RUFY1: variants seen among roughly 807,000 people sequenced by gnomAD.
RUFY1 encodes RUN and FYVE domain-containing protein 1.
RUFY1 carries 54 observed loss-of-function variants against 94.6 expected under a neutral mutation model. That is an observed-to-expected ratio of 0.57 (90% CI 0.46 to 0.72). The LOEUF is 0.72. RUFY1 is among the 30% of genes least tolerant of loss of function. RUFY1 has a pLI of 0.00. For missense variants in RUFY1, 883 were observed against 883.9 expected, an observed-to-expected ratio of 1.00 and a Z score of 0.01; for synonymous variants, 396 against 347.3, an observed-to-expected ratio of 1.14 and a Z score of -1.56.
intron 17 of RUFY1, chr5:179,608,340 G>C: frequency 3.0e-6 from 3 of 985,762 alleles, no homozygotes; most frequent in Non-Finnish European, 3.6e-6. Flanking sequence ...CCCAACCCGA[G>C]TTTCAGGCAG....
At chr5:179,567,052 C>CA (rs1156488284) in intron 3 of RUFY1, among the ~76,000 whole-genome samples, 4 of 149,816 alleles carry the variant, frequency 2.7e-5, no homozygotes, top group Admixed American at 1.3e-4. Context: ...GACTCTATCT[C>CA]AAAAAAAAAT....
rs367832710 is a variant in RUFY1, at chr5:179,567,480, C to T, written c.622C>T (p.Arg208Ter). Residue 208 changes from arginine to a stop codon, truncating the protein, a stop_gained, in exon 4 of 18, where the codon CGA becomes TGA. Transcript: ENST00000319449. LOFTEE classifies it high-confidence loss of function. Reference sequence around the variant, plus strand: ...TTCTAGGACAGCTGTGGGAAGAGGCCGAGCGTGGCTTTATCTTGCACTCAT... The same window carrying T: ...TTCTAGGACAGCTGTGGGAAGAGGCTGAGCGTGGCTTTATCTTGCACTCAT... ...PELKTAVGRG[R>*]AWLYLALMQK... is the part of the protein sequence containing the mutation. The T allele has an allele frequency of 3.7e-6, 6 of 1,613,644 alleles. No homozygotes were observed. In the African/African-American group the frequency reaches 4.0e-5, roughly 11 times the overall value.
chr5:179,586,371 G>A (rs774290399), intron 8 of RUFY1: 38 of 456,640 alleles, frequency 8.3e-5, no homozygotes, highest in Admixed American at 2.4e-4. Context: ...GGGCTGAGCC[G>A]AGGAAGAGAG....
chr5:179,609,322 G>A (rs1767474878), intron 17 of RUFY1, 54 bp from the exon 18 acceptor site: 1 of 1,585,858 alleles, frequency 6.3e-7, no homozygotes, highest in Non-Finnish European at 8.6e-7. Flanking sequence ...CAGGGAGGGT[G>A]TGCGGATGGC....
chr5:179,569,254 T>C (rs750571989), intron 4 of RUFY1, 48 bp from the exon 5 acceptor site: 20 of 1,612,174 alleles, frequency 1.2e-5, no homozygotes, highest in Non-Finnish European at 1.5e-5. Flanking sequence ...GGAGTGGGGA[T>C]GGTGAAGCTG....
intron 5 of RUFY1, among the ~76,000 whole-genome samples, chr5:179,573,014 A>G (rs1484925976): frequency 6.6e-6 from 1 of 152,218 alleles, no homozygotes; most frequent in Non-Finnish European, 1.5e-5. Flanking sequence ...ATCATGTAAT[A>G]TATTTTTTCT....
chr5:179,593,493 C>T lies in RUFY1; in HGVS notation c.1261C>T (p.Leu421=). 1 of 1,595,108 alleles carries T rather than the reference C, an allele frequency of 6.3e-7. No individual in the cohort carries two copies. The highest frequency in any genetic ancestry group is 2.2e-5 in the East Asian group (1 of 44,790). Reference sequence around the variant, plus strand: ...TCCTTTTAAGGAACTGGAAAAAGAACTGGAGTTACAAATTGGAATGAAAAC... The same window carrying T: ...TCCTTTTAAGGAACTGGAAAAAGAATTGGAGTTACAAATTGGAATGAAAAC... ...KKVRLELEKE[L]ELQIGMKTEM... is the part of the protein sequence containing the mutation. Residue 421 remains leucine, a synonymous_variant, in exon 11 of 18, where the codon CTG becomes TTG. Coordinates refer to ENST00000319449, the MANE Select transcript of RUFY1 (RefSeq NM_025158.5).
chr5:179,559,890 G>A, intron 1 of RUFY1, 135 bp from the exon 2 acceptor site: 1 of 1,429,818 alleles, frequency 7.0e-7, no homozygotes, highest in Non-Finnish European at 9.1e-7. Flanking sequence ...AATCCCGGTT[G>A]CCCGCCCGCC....
intron 16 of RUFY1, 145 bp downstream of exon 16, chr5:179,606,069 C>T (rs1480027718): frequency 4.7e-6 from 3 of 634,528 alleles, no homozygotes; most frequent in Non-Finnish European, 8.3e-6. Context: ...CCAAACGCTG[C>T]TCAGAAACGT....
chr5:179,607,397 C>T (rs1245248776), intron 16 of RUFY1, 185 bp from the exon 17 acceptor site: 2 of 604,252 alleles, frequency 3.3e-6, no homozygotes, highest in African/African-American at 3.7e-5. Context: ...TGCAGAAATC[C>T]CGGCTGCGGC....
intron 4 of RUFY1, chr5:179,569,088 G>A: frequency 1.0e-6 from 1 of 984,468 alleles, no homozygotes; most frequent in Non-Finnish European, 1.2e-6. Context: ...TAGACAGGAG[G>A]AGAGGCGAGC....
chr5:179,581,130 G>A lies in RUFY1; in HGVS notation c.956+118G>A, dbSNP rs145041181. 1.7e-3 allele frequency: 1,102 copies of A among 636,954 alleles called. 9 individuals are homozygous for A. In the African/African-American group the frequency reaches 0.018, roughly 10 times the overall value. 39.5% of individuals were successfully genotyped at this position (636,954 alleles called of 1,614,324 possible). On this transcript the variant is annotated intron_variant, in intron 7 of 17. Transcript: ENST00000319449. Reference sequence around the variant, plus strand: ...ACTTGTTTCCAAACCAAGACAAAAGGGTCATCATTCAGGCAACATTTATTT... The same window carrying A: ...ACTTGTTTCCAAACCAAGACAAAAGAGTCATCATTCAGGCAACATTTATTT...
At chr5:179,586,615 C>A in intron 8 of RUFY1, 1 of 348,406 alleles carries the variant, frequency 2.9e-6, no homozygotes, top group South Asian at 2.1e-5. Flanking sequence ...TAATGAGGGA[C>A]CCCGTGTAAG....
intron 17 of RUFY1, chr5:179,608,699 G>A (rs1192098403): frequency 2.2e-6 from 2 of 896,130 alleles, no homozygotes; most frequent in Non-Finnish European, 2.7e-6. Context: ...AGGCTGAGGT[G>A]GGTGGATCAC....
chr5:179,585,243 A>C (rs142746047), intron 7 of RUFY1, among the ~76,000 whole-genome samples: 87 of 152,208 alleles, frequency 5.7e-4, no homozygotes, highest in Non-Finnish European at 1.0e-3. Flanking sequence ...TTCTATCACC[A>C]TTTGTGTTGG....
At chr5:179,584,807 T>C (rs978276155) in intron 7 of RUFY1, among the ~76,000 whole-genome samples, 2 of 151,870 alleles carry the variant, frequency 1.3e-5, no homozygotes, top group Non-Finnish European at 2.9e-5. Flanking sequence ...TATTAAATAA[T>C]ATTTTTTAAA....
chr5:179,550,912 C>T, intron 1 of RUFY1, 33 bp downstream of exon 1: 2 of 1,091,282 alleles, frequency 1.8e-6, no homozygotes, highest in Non-Finnish European at 2.2e-6. Context: ...CCGCGGCGGA[C>T]TCGCGTGTCC....
In RUFY1 at chr5:179,585,789, T is replaced by G; in HGVS notation, c.957-7T>G. ...TTATGTTTACTTAATATTCTTATTT[T>G]CTACAGCTGCACAGTTGGGGATCTT... is the stretch of plus-strand genomic sequence containing the variant. On this transcript the variant is annotated splice_region_variant and splice_polypyrimidine_tract_variant and intron_variant, in intron 7 of 17. Coordinates refer to ENST00000319449, the MANE Select transcript of RUFY1 (RefSeq NM_025158.5). The G allele has an allele frequency of 6.2e-7, 1 of 1,604,950 alleles. No individual in the cohort carries two copies. Among genetic ancestry groups the G allele is most frequent in the South Asian group, 1.1e-5 (1 of 90,824 alleles).
At chr5:179,560,808 G>GA (rs529117899) in intron 2 of RUFY1, among the ~76,000 whole-genome samples, 1 of 150,502 alleles carries the variant, frequency 6.6e-6, no homozygotes, top group Non-Finnish European at 1.5e-5. Context: ...TAAAAATTAA[G>GA]AAAAAAAAGT....
Sources: allele counts gnomAD v4.1 joint callset (sites outside exome capture counted in the v4.1 genomes callset), GRCh38; gene constraint gnomAD v4.1.1; transcripts MANE v1.5; gene names NCBI Gene and HGNC (gene_info 2026-07-23, HGNC 2026-07-21).